USP32: variants seen among roughly 807,000 people sequenced by gnomAD.
USP32 encodes ubiquitin carboxyl-terminal hydrolase 32.
A neutral mutation model predicts 204.8 loss-of-function variants in USP32; 59 were observed. The observed-to-expected ratio is 0.29, with a 90% CI of 0.23 to 0.36. The LOEUF (loss-of-function observed/expected upper bound fraction) is 0.36, where lower values mean the gene tolerates loss of function less well. Ranked by LOEUF, USP32 falls within the 10% of genes least tolerant of loss-of-function variation. USP32 has a pLI of 1.00. For synonymous variants in USP32, 517 were observed against 678.4 expected, an observed-to-expected ratio of 0.76 and a Z score of 3.70; for missense variants, 1,160 against 1,946.4, an observed-to-expected ratio of 0.60 and a Z score of 7.60.
chr17:60,293,898 T>C (rs2087352609), intron 4 of USP32, among the ~76,000 whole-genome samples: 1 of 152,160 alleles, frequency 6.6e-6, no homozygotes, highest in East Asian at 1.9e-4. Context: ...TCTAAAGGGA[T>C]TTTTACTCTA....
At chr17:60,262,788 C>T (rs2086486187) in intron 9 of USP32, among the ~76,000 whole-genome samples, 2 of 152,172 alleles carry the variant, frequency 1.3e-5, no homozygotes, top group East Asian at 1.9e-4. Flanking sequence ...TCTATTCTAC[C>T]CCTAGTTGTT....
chr17:60,190,388 T>C lies in USP32; in HGVS notation c.3642+175A>G, dbSNP rs374928984. Among the ~76,000 whole-genome samples, 411 of 152,134 alleles carry C rather than the reference T, an allele frequency of 2.7e-3. 2 individuals are homozygous for C. The highest frequency in any genetic ancestry group is 4.8e-3 in the African/African-American group (201 of 41,518). The stretch of plus-strand genomic sequence containing the variant: ...GCCCCAATACAATGAACTCCAGAAG[T>C]TGGAAAATGAAAAAGCTCAAGCAAA... On this transcript the variant is annotated intron_variant, in intron 29 of 33. Coordinates refer to ENST00000300896, the MANE Select transcript of USP32 (RefSeq NM_032582.4).
intron 2 of USP32, among the ~76,000 whole-genome samples, chr17:60,320,240 G>A (rs553536479): frequency 2.0e-5 from 3 of 152,198 alleles, no homozygotes; most frequent in East Asian, 3.9e-4. Context: ...AGTTCCTGAG[G>A]TATGTTTCTG....
chr17:60,350,255 TC>T (rs2088918456), intron 1 of USP32, among the ~76,000 whole-genome samples: 4 of 152,114 alleles, frequency 2.6e-5, no homozygotes, highest in Admixed American at 2.6e-4. Context: ...GCTCAAGCAA[TC>T]CACTCGCCTT....
chr17:60,409,234 G>A (rs1461645836), intron 1 of USP32, among the ~76,000 whole-genome samples: 8 of 152,192 alleles, frequency 5.3e-5, no homozygotes, highest in African/African-American at 9.7e-5. Flanking sequence ...TGTAATCCCC[G>A]CTGCTAGAGG....
At chr17:60,246,028 G>A (rs1378365821) in intron 11 of USP32, among the ~76,000 whole-genome samples, 1 of 151,634 alleles carries the variant, frequency 6.6e-6, no homozygotes, top group Non-Finnish European at 1.5e-5. Flanking sequence ...TTTGGGTTGG[G>A]AATATTCCGA....
intron 5 of USP32, among the ~76,000 whole-genome samples, chr17:60,281,411 G>A (rs1348128729): frequency 1.3e-5 from 2 of 152,034 alleles, no homozygotes; most frequent in East Asian, 1.9e-4. Context: ...GGTAGCAGGC[G>A]CCTGTAATCC....
At chr17:60,420,264 G>T (rs1245893986) in intron 1 of USP32, among the ~76,000 whole-genome samples, 3 of 151,982 alleles carry the variant, frequency 2.0e-5, no homozygotes, top group Admixed American at 2.0e-4. Context: ...AAACTGCTGC[G>T]ATTATAGGTG....
chr17:60,389,173 C>G (rs2089784573), intron 1 of USP32, among the ~76,000 whole-genome samples: 1 of 152,070 alleles, frequency 6.6e-6, no homozygotes, highest in African/African-American at 2.4e-5. Context: ...TAGATGAAAC[C>G]AATGAATGCA....
intron 2 of USP32, among the ~76,000 whole-genome samples, chr17:60,325,242 T>A (rs1399398512): frequency 6.6e-6 from 1 of 151,904 alleles, no homozygotes; most frequent in Non-Finnish European, 1.5e-5. Flanking sequence ...GGTGAAACCC[T>A]GTCTCTACAA....
intron 2 of USP32, among the ~76,000 whole-genome samples, chr17:60,317,420 C>T (rs544501336): frequency 6.5e-4 from 97 of 149,914 alleles, no homozygotes; most frequent in Non-Finnish European, 9.9e-4. Context: ...GGAGGCTGAG[C>T]TGGGAGGATT....
chr17:60,392,088 C>T lies in USP32; in HGVS notation c.-149G>A, dbSNP rs897060172. On this transcript the variant is annotated 5_prime_UTR_variant, in exon 1 of 34. Coordinates refer to ENST00000300896, the MANE Select transcript of USP32 (RefSeq NM_032582.4). ...ACACTAACAAGTGCGGCTTCTGCCC[C>T]GGCGGCTCCTCCCGGTCGCCGCCAC... 3.3e-5 allele frequency: 29 copies of T among 867,756 alleles called. No individual in the cohort carries two copies. In the Admixed American group the frequency reaches 3.4e-4, roughly 10 times the overall value. The allele number at this position is 867,756 out of a possible 1,614,324, so 53.8% of individuals were successfully genotyped here.
intron 1 of USP32, among the ~76,000 whole-genome samples, chr17:60,367,875 C>CT (rs1006625287): frequency 3.1e-4 from 46 of 149,330 alleles, no homozygotes; most frequent in African/African-American, 4.2e-4. Context: ...CACGTACAGG[C>CT]TTTTTTTTTT....
intron 7 of USP32, among the ~76,000 whole-genome samples, chr17:60,268,682 G>A (rs1021334577): frequency 6.6e-6 from 1 of 151,532 alleles, no homozygotes; most frequent in African/African-American, 2.4e-5. Flanking sequence ...ATAACAACAG[G>A]GAATAAAAAT....
intron 6 of USP32, 22 bp from the exon 7 acceptor site, chr17:60,269,579 C>G: frequency 6.4e-7 from 1 of 1,557,754 alleles, no homozygotes; most frequent in Non-Finnish European, 8.7e-7. Context: ...GAAGAGATGC[C>G]ATAAATCACA....
Position 60,183,205 on chromosome 17 carries a change from G to A in USP32, c.4083C>T (p.Ser1361=), listed in dbSNP as rs760537139. 4.3e-6 allele frequency: 7 copies of A among 1,613,802 alleles called. No individual in the cohort carries two copies. In the African/African-American group the frequency reaches 9.3e-5, roughly 22 times the overall value. Residue 1361 remains serine, a synonymous_variant, in exon 31 of 34, where the codon AGC becomes AGT. Transcript: ENST00000300896. ...TGATGTTAGCGCTGAGTGAGGATGG[G>A]CTTTTGCTCAGGAGCACGTCCTCTT... ...AGEEDVLLSK[S]PSSLSANIIS... is the part of the protein sequence containing the mutation.
chr17:60,311,259 T>C (rs2145918065), intron 2 of USP32, among the ~76,000 whole-genome samples: 1 of 152,250 alleles, frequency 6.6e-6, no homozygotes, highest in South Asian at 2.1e-4. Context: ...AAAAAATGTA[T>C]CTATTATGCA....
chr17:60,212,817 G>A (rs1324136572), intron 18 of USP32, among the ~76,000 whole-genome samples: 1 of 151,278 alleles, frequency 6.6e-6, no homozygotes, highest in Non-Finnish European at 1.5e-5. Flanking sequence ...GCAGTGATGT[G>A]ATCTTGAGTC....
chr17:60,314,134 T>G (rs1179232398), intron 2 of USP32, among the ~76,000 whole-genome samples: 7 of 125,070 alleles, frequency 5.6e-5, no homozygotes, highest in Non-Finnish European at 1.0e-4. Context: ...GTGGCTTTTT[T>G]TTTTTTTTTT....
Sources: gnomAD v4.1 joint callset for allele counts (sites outside exome capture counted in the v4.1 genomes callset) on GRCh38, gnomAD v4.1.1 for gene constraint, MANE v1.5 for transcripts, NCBI Gene and HGNC (gene_info 2026-07-23, HGNC 2026-07-21) for gene names.